PTPRM: variants seen among roughly 807,000 people sequenced by gnomAD.
PTPRM encodes protein tyrosine phosphatase receptor type M, also known as receptor-type tyrosine-protein phosphatase mu.
In PTPRM, 47 loss-of-function variants were observed where a neutral mutation model predicts 186.7. The ratio of observed to expected loss-of-function variants is 0.25; its 90% CI spans 0.20 to 0.32. The LOEUF is 0.32. Among genes scored for constraint, PTPRM ranks in the 10% least tolerant of loss-of-function variants. The pLI, the probability that PTPRM is intolerant of heterozygous loss-of-function variation, is 1.00. For missense variants in PTPRM, 1,494 were observed against 1,865.0 expected, an observed-to-expected ratio of 0.80 and a Z score of 3.66; for synonymous variants, 668 against 674.9, an observed-to-expected ratio of 0.99 and a Z score of 0.16.
chr18:8,264,497 G>T (rs151111535), intron 19 of PTPRM, among the ~76,000 whole-genome samples: 7 of 152,056 alleles, frequency 4.6e-5, no homozygotes, highest in African/African-American at 1.7e-4. Context: ...CAGGCCGGGC[G>T]TGGTGGCTCA....
intron 5 of PTPRM, among the ~76,000 whole-genome samples, chr18:7,945,126 C>A (rs1215769755): frequency 2.0e-5 from 3 of 152,014 alleles, no homozygotes; most frequent in Admixed American, 2.0e-4. Flanking sequence ...ACTCAGCCCC[C>A]TCACCATGTG....
At chr18:8,393,165 TC>T (rs1421203761) in intron 31 of PTPRM, among the ~76,000 whole-genome samples, 15 of 152,330 alleles carry the variant, frequency 9.8e-5, no homozygotes, top group African/African-American at 3.6e-4. Flanking sequence ...GCAGACACCA[TC>T]TTAACAAGTG....
intron 2 of PTPRM, among the ~76,000 whole-genome samples, chr18:7,832,079 A>G (rs1204445332): frequency 6.6e-6 from 1 of 152,170 alleles, no homozygotes; most frequent in Non-Finnish European, 1.5e-5. Context: ...GGAGTGCTGC[A>G]ACAAACATGG....
At chr18:7,772,645 A>AGGCT (rs963176077) in intron 1 of PTPRM, among the ~76,000 whole-genome samples, 2 of 151,962 alleles carry the variant, frequency 1.3e-5, no homozygotes, top group African/African-American at 2.4e-5. Flanking sequence ...ATCTATTCAG[A>AGGCT]GGCTGGCTGG....
chr18:8,345,408 AT>A (rs1038526075), intron 23 of PTPRM, among the ~76,000 whole-genome samples: 8 of 152,092 alleles, frequency 5.3e-5, no homozygotes, highest in East Asian at 1.9e-4. Flanking sequence ...CCAATAGCAG[AT>A]TTTTTTTGTA....
In PTPRM at chr18:8,126,016, TATATATATATA is replaced by T. The variant is rs1203900522; in HGVS notation, c.2167+11190_2167+11200del. ...ATATATATATATATATATATATATA[TATATATATATA>T]TTTTAAATCAGTAGACCTTTCCATT... On this transcript the variant is annotated intron_variant, in intron 13 of 32. Coordinates refer to ENST00000580170, the MANE Select transcript of PTPRM (RefSeq NM_001105244.2). Among the ~76,000 whole-genome samples the T allele has an allele frequency of 1.4e-4, 4 of 29,626 alleles. 1 individual carries two copies. The highest frequency in any genetic ancestry group is 1.2e-3 in the Admixed American group (2 of 1,720). 19.4% of individuals were successfully genotyped at this position (29,626 alleles called of 152,430 possible). A position where few individuals can be genotyped will look rare whatever the true frequency, so the allele number is the denominator to read the frequency against.
At chr18:7,659,648 C>T (rs979948966) in intron 1 of PTPRM, among the ~76,000 whole-genome samples, 21 of 152,292 alleles carry the variant, frequency 1.4e-4, no homozygotes, top group African/African-American at 4.3e-4. Flanking sequence ...TCCTGCTTCC[C>T]GTCTTCCTAA....
At chr18:7,618,409 C>T (rs2037857694) in intron 1 of PTPRM, among the ~76,000 whole-genome samples, 1 of 152,108 alleles carries the variant, frequency 6.6e-6, no homozygotes, top group Non-Finnish European at 1.5e-5. Flanking sequence ...GTTTCTCTCA[C>T]TTTAACTCAG....
At chr18:7,986,837 A>G (rs1180625166) in intron 7 of PTPRM, among the ~76,000 whole-genome samples, 2 of 152,146 alleles carry the variant, frequency 1.3e-5, no homozygotes, top group Admixed American at 1.3e-4. Context: ...CTTTAAGAGG[A>G]TAATTAACTT....
intron 19 of PTPRM, among the ~76,000 whole-genome samples, chr18:8,263,311 G>T (rs1461398300): frequency 6.6e-6 from 1 of 152,116 alleles, no homozygotes; most frequent in African/African-American, 2.4e-5. Context: ...GTTTCACCAT[G>T]TTGGCCAGGC....
chr18:7,567,729 C>T lies in PTPRM; in HGVS notation c.-90C>T. The stretch of plus-strand genomic sequence containing the variant: ...GCTCTGCTGTTTACCCGTCTCTCCT[C>T]GCTGCCTCGGAACCAAAGCTCCCGG... On this transcript the variant is annotated 5_prime_UTR_variant, in exon 1 of 33. Coordinates refer to ENST00000580170, the MANE Select transcript of PTPRM (RefSeq NM_001105244.2). The surrounding 1 kb of genome is among the most constrained non-coding windows in gnomAD (Gnocchi z 4.3). 2 of 1,210,942 alleles carry T rather than the reference C, an allele frequency of 1.7e-6. No individual in the cohort carries two copies. The highest frequency in any genetic ancestry group is 2.2e-6 in the Non-Finnish European group (2 of 899,446). The allele number at this position is 1,210,942 out of a possible 1,614,324, so 75.0% of individuals were successfully genotyped here.
At chr18:7,694,330 G>T (rs144469364) in intron 1 of PTPRM, among the ~76,000 whole-genome samples, 2 of 152,056 alleles carry the variant, frequency 1.3e-5, no homozygotes, top group African/African-American at 4.8e-5. Context: ...TGATGACTCC[G>T]CCTCATACAG....
chr18:7,908,561 T>C (rs2050112395), intron 4 of PTPRM, among the ~76,000 whole-genome samples: 1 of 152,216 alleles, frequency 6.6e-6, no homozygotes, highest in South Asian at 2.1e-4. Flanking sequence ...GGGGTTTTGC[T>C]CTCTCTGATA....
chr18:8,390,902 T>G (rs2095807309), intron 31 of PTPRM, among the ~76,000 whole-genome samples: 1 of 151,204 alleles, frequency 6.6e-6, no homozygotes, highest in African/African-American at 2.4e-5. Flanking sequence ...CACTCTAGCC[T>G]GGGCGACAGA....
At chr18:7,765,638 A>G (rs2041981434) in intron 1 of PTPRM, among the ~76,000 whole-genome samples, 1 of 152,154 alleles carries the variant, frequency 6.6e-6, no homozygotes, top group Non-Finnish European at 1.5e-5. Context: ...TATTCTACAC[A>G]GTTTTAAATT....
chr18:7,637,426 A>G (rs1293307224), intron 1 of PTPRM, among the ~76,000 whole-genome samples: 2 of 152,204 alleles, frequency 1.3e-5, no homozygotes, highest in African/African-American at 2.4e-5. Context: ...GACAGCGTCC[A>G]CAGTAGAAAA....
chr18:7,965,647 T>C (rs2053992383), intron 7 of PTPRM, among the ~76,000 whole-genome samples: 1 of 152,194 alleles, frequency 6.6e-6, no homozygotes, highest in Admixed American at 6.5e-5. Flanking sequence ...GCCTTTGTCT[T>C]CTGAACATTT....
At chr18:8,211,434 G>A (rs924940020) in intron 14 of PTPRM, among the ~76,000 whole-genome samples, 9 of 126,516 alleles carry the variant, frequency 7.1e-5, no homozygotes, top group African/African-American at 2.4e-4. Context: ...TCGCCCTGTC[G>A]CCCAGGCTGG....
At chr18:8,338,216 T>A (rs1159086470) in intron 22 of PTPRM, among the ~76,000 whole-genome samples, 1 of 148,930 alleles carries the variant, frequency 6.7e-6, no homozygotes, top group African/African-American at 2.5e-5. Context: ...GGCCCTTGGA[T>A]TGGAGTAGTT....
Sources: allele counts gnomAD v4.1 joint callset (sites outside exome capture counted in the v4.1 genomes callset), GRCh38; gene constraint gnomAD v4.1.1; non-coding constraint Gnocchi (gnomAD v3.1); transcripts MANE v1.5; gene names NCBI Gene and HGNC (gene_info 2026-07-23, HGNC 2026-07-21).